The following CSMD1 variants were observed in gnomAD, a reference collection of about 807,000 sequenced individuals.
CSMD1 encodes CUB and Sushi multiple domains 1.
Under a neutral mutation model 417.5 loss-of-function variants are expected in CSMD1, and 213 were observed. The ratio of observed to expected loss-of-function variants is 0.51; its 90% CI spans 0.46 to 0.57. The LOEUF is 0.57. Among genes scored for constraint, CSMD1 ranks in the 20% least tolerant of loss-of-function variants. The pLI, the probability that CSMD1 is intolerant of heterozygous loss-of-function variation, is 0.00. For missense variants in CSMD1, 6,923 were observed against 4,529.7 expected (o/e 1.53, Z -15.17); for synonymous variants, 2,862 against 1,736.8 (o/e 1.65, Z -16.11).
At chr8:3,945,416 G>A (rs183913319) in intron 5 of CSMD1, among the ~76,000 whole-genome samples, 50 of 152,014 alleles carry the variant, frequency 3.3e-4, no homozygotes, top group African/African-American at 1.2e-3. Flanking sequence ...TTTTGGGGGG[G>A]CATATTACAA....
intron 3 of CSMD1, among the ~76,000 whole-genome samples, chr8:4,214,842 C>G (rs190628091): frequency 5.4e-4 from 82 of 152,218 alleles, no homozygotes; most frequent in Admixed American, 1.2e-3. Context: ...AATAAAAAAA[C>G]TATGACCACC....
intron 3 of CSMD1, among the ~76,000 whole-genome samples, chr8:4,136,026 G>C (rs1329132190): frequency 6.6e-6 from 1 of 151,928 alleles, no homozygotes; most frequent in Non-Finnish European, 1.5e-5. Context: ...AATATTATGG[G>C]TAAAAACCAA....
chr8:3,081,363 T>G (rs985592774), intron 49 of CSMD1, among the ~76,000 whole-genome samples: 3 of 152,166 alleles, frequency 2.0e-5, no homozygotes, highest in African/African-American at 4.8e-5. Flanking sequence ...GAGAAAAAAA[T>G]AGAATGTCAA....
chr8:4,286,537 A>G (rs1281915878), intron 3 of CSMD1, among the ~76,000 whole-genome samples: 1 of 152,122 alleles, frequency 6.6e-6, no homozygotes, highest in African/African-American at 2.4e-5. Flanking sequence ...ATATGGTCTC[A>G]TCATTAAGAA....
intron 1 of CSMD1, among the ~76,000 whole-genome samples, chr8:4,791,915 G>C (rs1295669499): frequency 1.3e-5 from 2 of 151,328 alleles, no homozygotes; most frequent in Non-Finnish European, 2.9e-5. Flanking sequence ...CGAAAAGGTA[G>C]ATTAATTTAG....
At chr8:3,556,891 C>A (rs918714430) in intron 10 of CSMD1, among the ~76,000 whole-genome samples, 2 of 152,090 alleles carry the variant, frequency 1.3e-5, no homozygotes, top group African/African-American at 2.4e-5. Flanking sequence ...CACAGGAAAG[C>A]CACAAAAACA....
intron 1 of CSMD1, among the ~76,000 whole-genome samples, chr8:4,775,768 G>A (rs887500046): frequency 2.0e-5 from 3 of 152,166 alleles, no homozygotes; most frequent in Non-Finnish European, 2.9e-5. Flanking sequence ...CTGCTCACTC[G>A]TGTGGATGTG....
chr8:3,853,747 A>G (rs902597973), intron 5 of CSMD1, among the ~76,000 whole-genome samples: 1 of 151,792 alleles, frequency 6.6e-6, no homozygotes, highest in African/African-American at 2.4e-5. Flanking sequence ...GAAGGACAGC[A>G]TTAGGAGATA....
intron 1 of CSMD1, among the ~76,000 whole-genome samples, chr8:4,944,114 C>G (rs1002773949): frequency 4.6e-5 from 7 of 152,080 alleles, no homozygotes; most frequent in South Asian, 2.1e-4. Context: ...AGATTCAAGT[C>G]TAAATTCTGC....
At chr8:3,890,244 T>C (rs962769782) in intron 5 of CSMD1, among the ~76,000 whole-genome samples, 5 of 152,330 alleles carry the variant, frequency 3.3e-5, no homozygotes, top group African/African-American at 1.2e-4. Flanking sequence ...ATTCTTGTTG[T>C]TCAAACTTGC....
intron 1 of CSMD1, among the ~76,000 whole-genome samples, chr8:4,694,780 G>A (rs936381189): frequency 6.6e-6 from 1 of 152,034 alleles, no homozygotes. Context: ...CTGTGTCACG[G>A]GACTGCGCGT....
chr8:4,061,271 T>C (rs896230469), intron 3 of CSMD1, among the ~76,000 whole-genome samples: 9 of 152,178 alleles, frequency 5.9e-5, no homozygotes, highest in Admixed American at 3.3e-4. Flanking sequence ...GCATGGAATA[T>C]TGACTTCACA....
intron 1 of CSMD1, among the ~76,000 whole-genome samples, chr8:4,953,783 G>A (rs1745537858): frequency 6.6e-6 from 1 of 152,088 alleles, no homozygotes; most frequent in Non-Finnish European, 1.5e-5. Context: ...CTCTGTCTTT[G>A]GTAATTTTCC....
intron 3 of CSMD1, among the ~76,000 whole-genome samples, chr8:4,291,720 A>C (rs763249076): frequency 6.6e-6 from 1 of 152,238 alleles, no homozygotes; most frequent in Non-Finnish European, 1.5e-5. Flanking sequence ...AACCCAGTCT[A>C]ATCAGTTATA....
At chr8:3,284,853 T>A (rs1407634579) in intron 25 of CSMD1, among the ~76,000 whole-genome samples, 2 of 152,224 alleles carry the variant, frequency 1.3e-5, no homozygotes, top group African/African-American at 4.8e-5. Flanking sequence ...TGTGTTGTAC[T>A]TCTTTCTAAA....
intron 3 of CSMD1, among the ~76,000 whole-genome samples, chr8:4,394,400 G>C (rs1383252538): frequency 6.6e-6 from 1 of 152,146 alleles, no homozygotes; most frequent in Non-Finnish European, 1.5e-5. Flanking sequence ...GGTTTTCTTA[G>C]AACACAATCA....
intron 1 of CSMD1, among the ~76,000 whole-genome samples, chr8:4,656,992 C>A (rs1391887963): frequency 6.6e-6 from 1 of 152,034 alleles, no homozygotes; most frequent in Non-Finnish European, 1.5e-5. Flanking sequence ...GATGGACGAT[C>A]CTCAAAAACC....
At chr8:4,094,474 G>C (rs564691565) in intron 3 of CSMD1, among the ~76,000 whole-genome samples, 17 of 152,308 alleles carry the variant, frequency 1.1e-4, no homozygotes, top group African/African-American at 3.6e-4. Context: ...CGAAGATGAT[G>C]CCTGGATTAA....
intron 8 of CSMD1, among the ~76,000 whole-genome samples, chr8:3,609,701 G>C (rs538180446): frequency 2.7e-5 from 4 of 146,076 alleles, no homozygotes; most frequent in East Asian, 4.1e-4. Context: ...TGTTAGTTTG[G>C]ATTACATGTT....
Sources: gnomAD v4.1 joint callset for allele counts (sites outside exome capture counted in the v4.1 genomes callset) on GRCh38, gnomAD v4.1.1 for gene constraint, MANE v1.5 for transcripts, NCBI Gene and HGNC (gene_info 2026-07-23, HGNC 2026-07-21) for gene names.